The following ENOX1 variants were observed in gnomAD, a reference collection of about 807,000 sequenced individuals.
The protein encoded by ENOX1 is candidate growth-related and time keeping constitutive hydroquinone (NADH) oxidase.
ENOX1 carries 42 observed loss-of-function variants against 82.5 expected under a neutral mutation model. The observed-to-expected ratio is 0.51, with a 90% CI of 0.40 to 0.66. The LOEUF is 0.66. Among genes scored for constraint, ENOX1 ranks in the 30% least tolerant of loss-of-function variants. ENOX1 has a pLI of 0.00. For synonymous variants in ENOX1, 271 were observed against 282.2 expected (o/e 0.96, Z 0.40); for missense variants, 608 against 811.6 (o/e 0.75, Z 3.05).
rs2086622693 is a variant in ENOX1 at position 43,695,969 on chromosome 13, A to T, written c.-284-28425T>A. On this transcript the variant is annotated intron_variant, in intron 1 of 16. Coordinates refer to ENST00000690772, the MANE Select transcript of ENOX1 (RefSeq NM_001347969.2). ...CCCCATCCCCCCACTACAACCCATG[A>T]TAACTACTACTCTACTTTCTGTTTC... 2.0e-5 allele frequency among the ~76,000 whole-genome samples: 3 copies of T among 152,178 alleles called. No individual in the cohort carries two copies. In the South Asian group the frequency reaches 6.2e-4, roughly 31 times the overall value.
chr13:43,706,772 AT>A (rs1386472027), intron 1 of ENOX1, among the ~76,000 whole-genome samples: 55 of 152,028 alleles, frequency 3.6e-4, no homozygotes, highest in African/African-American at 1.2e-3. Flanking sequence ...TCTAAAAAAA[AT>A]CTCACTCTAA....
At chr13:43,602,243 A>G (rs1002612974) in intron 2 of ENOX1, among the ~76,000 whole-genome samples, 3 of 152,064 alleles carry the variant, frequency 2.0e-5, no homozygotes, top group African/African-American at 7.2e-5. Context: ...TATACATGAC[A>G]GAGAAAAGAC....
intron 3 of ENOX1, among the ~76,000 whole-genome samples, chr13:43,453,990 T>A (rs1269614120): frequency 6.6e-6 from 1 of 152,122 alleles, no homozygotes; most frequent in Non-Finnish European, 1.5e-5. Flanking sequence ...ATGAGATAGA[T>A]AAATGAGTTT....
chr13:43,319,176 C>T (rs373165962), intron 11 of ENOX1, among the ~76,000 whole-genome samples: 12 of 152,062 alleles, frequency 7.9e-5, no homozygotes, highest in African/African-American at 2.2e-4. Context: ...AGCAGGATGC[C>T]GATCTTCTAG....
chr13:43,274,381 C>T (rs888546134), intron 12 of ENOX1, among the ~76,000 whole-genome samples: 2 of 152,202 alleles, frequency 1.3e-5, no homozygotes, highest in African/African-American at 4.8e-5. Context: ...AACTCATAAA[C>T]TAATATTTAT....
At chr13:43,402,985 G>T (rs532367359) in intron 5 of ENOX1, among the ~76,000 whole-genome samples, 1 of 152,038 alleles carries the variant, frequency 6.6e-6, no homozygotes, top group Non-Finnish European at 1.5e-5. Flanking sequence ...AGGAAATCAA[G>T]AAAATTAGGG....
chr13:43,728,688 T>G (rs1166346742), intron 1 of ENOX1, among the ~76,000 whole-genome samples: 1 of 152,164 alleles, frequency 6.6e-6, no homozygotes, highest in Admixed American at 6.5e-5. Flanking sequence ...TCTTGGAGAC[T>G]GGGAGATGCA....
chr13:43,461,744 G>A (rs1030849156), intron 3 of ENOX1, among the ~76,000 whole-genome samples: 3 of 152,190 alleles, frequency 2.0e-5, no homozygotes, highest in African/African-American at 7.2e-5. Context: ...AGAATGAGTA[G>A]GGAGGAATCA....
intron 15 of ENOX1, among the ~76,000 whole-genome samples, chr13:43,231,159 T>G (rs1318742688): frequency 6.6e-6 from 1 of 152,170 alleles, no homozygotes; most frequent in African/African-American, 2.4e-5. Context: ...CACAGTCACA[T>G]CTTGCTGGGA....
chr13:43,655,788 T>C (rs1052035288), intron 2 of ENOX1, among the ~76,000 whole-genome samples: 1 of 152,170 alleles, frequency 6.6e-6, no homozygotes, highest in Non-Finnish European at 1.5e-5. Context: ...CAGGACAAAC[T>C]CTTTGCTCTC....
intron 2 of ENOX1, among the ~76,000 whole-genome samples, chr13:43,620,660 C>T (rs1279987902): frequency 6.6e-6 from 1 of 152,058 alleles, no homozygotes; most frequent in Admixed American, 6.6e-5. Flanking sequence ...CATTTTATGG[C>T]CTATCATATG....
chr13:43,786,452 G>T lies in ENOX1; in HGVS notation c.-285+200C>A, dbSNP rs958043800. Among the ~76,000 whole-genome samples the T allele has an allele frequency of 1.8e-4, 27 of 151,814 alleles. No individual in the cohort carries two copies. In the East Asian group the frequency reaches 5.2e-3, roughly 29 times the overall value. ...GGAGCTTGAGACGGGGCACGGCGGG[G>T]AAGGGCGTGGGGGCTGCACCGAAGC... On this transcript the variant is annotated intron_variant, in intron 1 of 16. Transcript: ENST00000690772. The surrounding 1 kb of genome is among the most constrained non-coding windows in gnomAD (Gnocchi z 6.0).
chr13:43,282,918 C>T (rs985814408), intron 12 of ENOX1, among the ~76,000 whole-genome samples: 1 of 151,700 alleles, frequency 6.6e-6, no homozygotes, highest in Non-Finnish European at 1.5e-5. Flanking sequence ...TGGTGACATG[C>T]CATCTCTACT....
chr13:43,421,204 T>C (rs1301577712), intron 3 of ENOX1, among the ~76,000 whole-genome samples: 2 of 152,218 alleles, frequency 1.3e-5, no homozygotes, highest in Non-Finnish European at 2.9e-5. Context: ...AGGTCTTCTT[T>C]AGTATCTAAC....
intron 5 of ENOX1, among the ~76,000 whole-genome samples, chr13:43,372,859 G>A (rs1362770846): frequency 6.6e-6 from 1 of 151,958 alleles, no homozygotes; most frequent in Non-Finnish European, 1.5e-5. Context: ...CAGAGGGAGA[G>A]ACAGCAGCAG....
intron 12 of ENOX1, among the ~76,000 whole-genome samples, chr13:43,283,360 T>G (rs1257962330): frequency 1.3e-5 from 2 of 152,120 alleles, no homozygotes; most frequent in Non-Finnish European, 2.9e-5. Flanking sequence ...CATTTGGCTG[T>G]GTTGATCTTC....
At chr13:43,548,540 T>A in intron 2 of ENOX1, among the ~76,000 whole-genome samples, 1 of 152,206 alleles carries the variant, frequency 6.6e-6, no homozygotes, top group South Asian at 2.1e-4. Flanking sequence ...ACTTCCAGAT[T>A]TACGTTACAT....
chr13:43,228,095 CTTTTTTT>C (rs551861545), intron 15 of ENOX1, among the ~76,000 whole-genome samples: 5 of 84,724 alleles, frequency 5.9e-5, no homozygotes, highest in Admixed American at 1.5e-4. Context: ...CTCTTTGCAG[CTTTTTTT>C]TTTTTTTTTT....
chr13:43,786,605 C>A lies in ENOX1; in HGVS notation c.-285+47G>T, dbSNP rs1013345498. The stretch of plus-strand genomic sequence containing the variant: ...GGGGTGAGACCAGAGGACCCCGGCT[C>A]GGAGCCCGGACGCCCCAGGGAGGCT... On this transcript the variant is annotated intron_variant, in intron 1 of 16. Coordinates refer to ENST00000690772, the MANE Select transcript of ENOX1 (RefSeq NM_001347969.2). This position sits in a 1 kb window ranked among gnomAD's most constrained non-coding sequence, Gnocchi z 6.0. The A allele has an allele frequency of 6.6e-6, 1 of 152,060 alleles. No individual in the cohort carries two copies. The highest frequency in any genetic ancestry group is 2.4e-5 in the African/African-American group (1 of 41,392). 9.4% of individuals were successfully genotyped at this position (152,060 alleles called of 1,614,324 possible).
Sources: gnomAD v4.1 joint callset for allele counts (sites outside exome capture counted in the v4.1 genomes callset) on GRCh38, gnomAD v4.1.1 for gene constraint, Gnocchi (gnomAD v3.1) non-coding constraint, MANE v1.5 for transcripts, NCBI Gene and HGNC (gene_info 2026-07-23, HGNC 2026-07-21) for gene names.